The following EMC10 variants were observed in gnomAD, a reference collection of about 807,000 sequenced individuals.
EMC10 encodes the protein ER membrane protein complex subunit 10.
EMC10 carries 40 observed loss-of-function variants against 32.2 expected under a neutral mutation model. That is an observed-to-expected ratio of 1.24 (90% CI 0.96 to 1.61). The LOEUF (loss-of-function observed/expected upper bound fraction) is 1.61. EMC10 is among the 40% of genes most tolerant of loss of function. The pLI is 0.00. For missense variants in EMC10, 402 were observed against 357.7 expected, an observed-to-expected ratio of 1.12 and a Z score of -1.00; for synonymous variants, 178 against 158.4, an observed-to-expected ratio of 1.12 and a Z score of -0.93.
rs944238545 is a variant in EMC10, at chr19:50,484,883, T to C, written c.*2624T>C. 6.6e-6 allele frequency: 1 copy of C among 152,138 alleles called. No individual in the cohort carries two copies. The highest frequency in any genetic ancestry group is 1.9e-4 in the East Asian group (1 of 5,176). 9.4% of individuals were successfully genotyped at this position (152,138 alleles called of 1,614,324 possible). A position where few individuals can be genotyped will look rare whatever the true frequency, so the allele number is the denominator to read the frequency against. On this transcript the variant is annotated 3_prime_UTR_variant, in exon 7 of 7. Transcript: ENST00000334976. ...CCACGTCCAGAAACTGTATGCTCAC[T>C]CTGGGCTCCAGCACCCACTTCCCCT...
At chr19:50,476,711 C>T in intron 1 of EMC10, 53 bp downstream of exon 1, 2 of 1,185,204 alleles carry the variant, frequency 1.7e-6, no homozygotes, top group Non-Finnish European at 1.1e-6. Flanking sequence ...TGTCGCAGGT[C>T]TTGGGTCTTT....
rs1220397498 is a variant in EMC10 at position 50,483,010 on chromosome 19, A to AC, written c.*756dup. 1.8e-6 allele frequency: 1 copy of AC among 563,700 alleles called. No individual in the cohort carries two copies. The highest frequency in any genetic ancestry group is 1.9e-5 in the African/African-American group (1 of 52,934). 34.9% of individuals were successfully genotyped at this position (563,700 alleles called of 1,614,324 possible). ...TCAAAGCCCAGACACTGTAAATAGA[A>AC]CCCCCTCCACCACCCCCCGCCGCCC... On this transcript the variant is annotated 3_prime_UTR_variant, in exon 7 of 7. Transcript: ENST00000334976.
rs147886151 is a variant in EMC10, at chr19:50,483,084, G to A, written c.*825G>A. The A allele has an allele frequency of 6.8e-3, 3,471 of 509,538 alleles. 25 individuals carry two copies. The highest frequency in any genetic ancestry group is 9.8e-3 in the Non-Finnish European group (2,576 of 262,684). 31.6% of individuals were successfully genotyped at this position (509,538 alleles called of 1,614,324 possible). On this transcript the variant is annotated 3_prime_UTR_variant, in exon 7 of 7. Coordinates refer to ENST00000334976, the MANE Select transcript of EMC10 (RefSeq NM_206538.4). The stretch of plus-strand genomic sequence containing the variant: ...CTACGAGGGCCTGCGGGCCTTTGCT[G>A]TGTGCCACCCTCCCTGTAAGTCTAT...
chr19:50,481,345 C>T (rs1211002256), intron 6 of EMC10: 1 of 238,606 alleles, frequency 4.2e-6, no homozygotes, highest in Admixed American at 5.3e-5. Context: ...AGGAGTGGGT[C>T]CGGGAGGGAT....
In EMC10 at chr19:50,477,921, C is replaced by T. The variant is rs2040254560; in HGVS notation, c.115-8C>T. 1.9e-6 allele frequency: 3 copies of T among 1,596,594 alleles called. No homozygotes were observed. The highest frequency in any genetic ancestry group is 2.6e-6 in the Non-Finnish European group (3 of 1,174,398). ...GTCCTCACCTGGGGCCTTCTGTGTC[C>T]TCTGCAGGCTGGGGCGGAAGGTCGA... On this transcript the variant is annotated splice_polypyrimidine_tract_variant and splice_region_variant and intron_variant, in intron 1 of 6. Transcript: ENST00000334976.
Position 50,483,033 on chromosome 19 carries a change from C to T in EMC10, c.*774C>T. The T allele has an allele frequency of 1.8e-6, 1 of 557,458 alleles. No individual in the cohort carries two copies. Among genetic ancestry groups the T allele is most frequent in the South Asian group, 1.6e-5 (1 of 64,264 alleles). 34.5% of individuals were successfully genotyped at this position (557,458 alleles called of 1,614,324 possible). A position where few individuals can be genotyped will look rare whatever the true frequency, so the allele number is the denominator to read the frequency against. ...GAACCCCCTCCACCACCCCCCGCCG[C>T]CCAGCATCCTACCTGGACTGCGGTG... On this transcript the variant is annotated 3_prime_UTR_variant, in exon 7 of 7. Transcript: ENST00000334976.
intron 6 of EMC10, chr19:50,481,723 G>A (rs1338436358): frequency 2.9e-6 from 2 of 689,926 alleles, no homozygotes; most frequent in Non-Finnish European, 4.7e-6. Context: ...TTGTGCTGCA[G>A]GGAACTGAGG....
intron 6 of EMC10, chr19:50,481,933 C>T (rs750653782): frequency 6.2e-7 from 1 of 1,607,542 alleles, no homozygotes; most frequent in Non-Finnish European, 8.5e-7. Context: ...CGCGCCACCG[C>T]CACAGGAGGC....
rs1978456684 is a variant in EMC10 at position 50,488,312 on chromosome 19, A to AAAAAAAG, written c.*6058_*6064dup. Reference sequence around the variant, plus strand: ...CTCCGTCTCAAAAAAAAAAAAAAAAAAAAAAAGAAAAGATGGCCAGAGCAG... The same window carrying AAAAAAAG: ...CTCCGTCTCAAAAAAAAAAAAAAAAAAAAAAAGAAAAAAGAAAAGATGGCCAGAGCAG... On this transcript the variant is annotated 3_prime_UTR_variant, in exon 7 of 7. Coordinates refer to ENST00000334976, the MANE Select transcript of EMC10 (RefSeq NM_206538.4). The AAAAAAAG allele has an allele frequency of 2.0e-5, 3 of 149,894 alleles. No individual in the cohort carries two copies. The highest frequency in any genetic ancestry group is 4.4e-5 in the Non-Finnish European group (3 of 67,806). The allele number at this position is 149,894 out of a possible 1,614,324, so 9.3% of individuals were successfully genotyped here.
In EMC10 at chr19:50,479,015, C is replaced by T. The variant is rs746903927; in HGVS notation, c.246C>T (p.Thr82=). 1.2e-6 allele frequency: 2 copies of T among 1,611,322 alleles called. No homozygotes were observed. Among genetic ancestry groups the T allele is most frequent in the South Asian group, 1.1e-5 (1 of 90,676 alleles). ...GSLLWNQQDG[T]LSLSQRQLSE... Reference sequence around the variant, plus strand: ...TGCTCTGGAACCAGCAGGATGGTACCTTGTCCCTGTCACAGCGGCAGCTCA... The same window carrying T: ...TGCTCTGGAACCAGCAGGATGGTACTTTGTCCCTGTCACAGCGGCAGCTCA... Residue 82 remains threonine, a synonymous_variant, in exon 3 of 7, where the codon ACC becomes ACT. Coordinates refer to ENST00000334976, the MANE Select transcript of EMC10 (RefSeq NM_206538.4).
chr19:50,477,826 C>A, intron 1 of EMC10, 103 bp from the exon 2 acceptor site: 1 of 796,776 alleles, frequency 1.3e-6, no homozygotes, highest in Non-Finnish European at 2.0e-6. Context: ...GAAGATAAGG[C>A]TCCTCCCTCA....
rs1252570476 is a variant in EMC10 at position 50,490,312 on chromosome 19, AC to A, written c.*8055del. 3.3e-5 allele frequency: 5 copies of A among 151,980 alleles called. No individual in the cohort carries two copies. Among genetic ancestry groups the A allele is most frequent in the Non-Finnish European group, 7.4e-5 (5 of 68,014 alleles). The allele number at this position is 151,980 out of a possible 1,614,324, so 9.4% of individuals were successfully genotyped here. A position where few individuals can be genotyped will look rare whatever the true frequency, so the allele number is the denominator to read the frequency against. On this transcript the variant is annotated 3_prime_UTR_variant, in exon 7 of 7. Transcript: ENST00000334976. ...TATTTTTTAGTAGAGACGGGGTTTC[AC>A]CATTTTGGCTAGGCTGGTCTCGAAT...
At chr19:50,481,982 C>T (rs2122664449) in intron 6 of EMC10, 167 bp from the exon 7 acceptor site, 1 of 1,605,432 alleles carries the variant, frequency 6.2e-7, no homozygotes, top group South Asian at 1.1e-5. Flanking sequence ...CCCTGCGCCC[C>T]ACTGGCCCTC....
At position 50,485,784 on chromosome 19, in the gene EMC10, C is replaced by G. The variant is rs1978330956; in HGVS notation, c.*3525C>G. 6.6e-6 allele frequency: 1 copy of G among 152,078 alleles called. No individual in the cohort carries two copies. The highest frequency in any genetic ancestry group is 1.5e-5 in the Non-Finnish European group (1 of 68,668). The allele number at this position is 152,078 out of a possible 1,614,324, so 9.4% of individuals were successfully genotyped here. ...CCCTGCTCACAGCCCTCCGCGTGGC[C>G]TCTCACCTCCCCCAGGATAGAGTCC... On this transcript the variant is annotated 3_prime_UTR_variant, in exon 7 of 7. Coordinates refer to ENST00000334976, the MANE Select transcript of EMC10 (RefSeq NM_206538.4).
In EMC10 at chr19:50,482,210, GC is replaced by G; in HGVS notation, c.742del (p.Gln248ArgfsTer172). 1 of 849,508 alleles carries G rather than the reference GC, an allele frequency of 1.2e-6. No homozygotes were observed. The highest frequency in any genetic ancestry group is 1.8e-6 in the Non-Finnish European group (1 of 548,446). The allele number at this position is 849,508 out of a possible 1,614,324, so 52.6% of individuals were successfully genotyped here. A position where few individuals can be genotyped will look rare whatever the true frequency, so the allele number is the denominator to read the frequency against. On this transcript the variant is annotated frameshift_variant, in exon 7 of 7. Coordinates refer to ENST00000334976, the MANE Select transcript of EMC10 (RefSeq NM_206538.4). LOFTEE classifies it high-confidence loss of function. ...ATGTCAGGAGCGCCAGACACCGGGG[GC>G]CAGGGTGGGGGTGGGGGTGGGGGTG... ...LMMSGAPDTG[G>X]QGGGGGGGGG...
rs1449638499 is a variant in EMC10 at position 50,484,554 on chromosome 19, C to G, written c.*2295C>G. The G allele has an allele frequency of 2.0e-5, 3 of 152,288 alleles. 1 individual carries two copies. The highest frequency in any genetic ancestry group is 6.8e-3 in the Middle Eastern group (2 of 294). The allele number at this position is 152,288 out of a possible 1,614,324, so 9.4% of individuals were successfully genotyped here. On this transcript the variant is annotated 3_prime_UTR_variant, in exon 7 of 7. Transcript: ENST00000334976. ...GGAAATGCCTGAGCTCCTTCAGGCT[C>G]CCCTAGCGTTCTGTTCTTATTAAAC... is the stretch of plus-strand genomic sequence containing the variant.
In EMC10 at chr19:50,485,302, C is replaced by CA. The variant is rs1409532635; in HGVS notation, c.*3044dup. 3 of 152,252 alleles carry CA rather than the reference C, an allele frequency of 2.0e-5. No homozygotes were observed. Among genetic ancestry groups the CA allele is most frequent in the Admixed American group, 6.5e-5 (1 of 15,274 alleles). The allele number at this position is 152,252 out of a possible 1,614,324, so 9.4% of individuals were successfully genotyped here. ...ATCCCTTCACCCTGGAGGTTCCAGACAGCCCCTCTTCACCAGCGATTCCCC... is the reference window on the plus strand; with the variant it reads ...ATCCCTTCACCCTGGAGGTTCCAGACAAGCCCCTCTTCACCAGCGATTCCCC... On this transcript the variant is annotated 3_prime_UTR_variant, in exon 7 of 7. Transcript: ENST00000334976.
rs1238755734 is a variant in EMC10 at position 50,483,339 on chromosome 19, A to C, written c.*1080A>C. 3.0e-6 allele frequency: 1 copy of C among 328,684 alleles called. No homozygotes were observed. Among genetic ancestry groups the C allele is most frequent in the African/African-American group, 2.2e-5 (1 of 45,232 alleles). 20.4% of individuals were successfully genotyped at this position (328,684 alleles called of 1,614,324 possible). A position where few individuals can be genotyped will look rare whatever the true frequency, so the allele number is the denominator to read the frequency against. ...GTGGCAGTTTATTAAACTGTCCCCCAGATCGACACGCAGCTAGCCTCCTGC... is the reference window on the plus strand; with the variant it reads ...GTGGCAGTTTATTAAACTGTCCCCCCGATCGACACGCAGCTAGCCTCCTGC... On this transcript the variant is annotated 3_prime_UTR_variant, in exon 7 of 7. Coordinates refer to ENST00000334976, the MANE Select transcript of EMC10 (RefSeq NM_206538.4).
intron 1 of EMC10, 36 bp downstream of exon 1, chr19:50,476,694 C>T (rs1171924737): frequency 7.5e-7 from 1 of 1,325,112 alleles, no homozygotes; most frequent in Non-Finnish European, 1.0e-6. Context: ...CGGGCGCGGT[C>T]TACGGATGTC....
Sources: gnomAD v4.1 joint callset for allele counts on GRCh38, gnomAD v4.1.1 for gene constraint, MANE v1.5 for transcripts, NCBI Gene and HGNC (gene_info 2026-07-23, HGNC 2026-07-21) for gene names.